Variants in BCL2L1 observed in about 807,000 individuals in gnomAD.
BCL2L1 encodes BCL2 like 1.
BCL2L1 carries 1 observed loss-of-function variant against 18.7 expected under a neutral mutation model. The observed-to-expected ratio is 0.05, with a 90% confidence interval of 0.02 to 0.25. The LOEUF (loss-of-function observed/expected upper bound fraction) is 0.25, where lower values mean the gene tolerates loss of function less well. Ranked by LOEUF, BCL2L1 falls within the 10% of genes least tolerant of loss-of-function variation. The probability of loss-of-function intolerance (pLI) is 1.00; values close to 1 mark genes in which losing one functional copy is unlikely to be tolerated. For synonymous variants in BCL2L1, 103 were observed against 122.7 expected, an observed-to-expected ratio of 0.84 and a Z score of 1.06; for missense variants, 207 against 304.9, an observed-to-expected ratio of 0.68 and a Z score of 2.39.
At chr20:31,672,448 G>A (rs1369431903) in intron 2 of BCL2L1, among the ~76,000 whole-genome samples, 3 of 150,286 alleles carry the variant, frequency 2.0e-5, no homozygotes, top group African/African-American at 4.9e-5. Context: ...TGGGCAACAA[G>A]AGCAAAACCC....
At position 31,721,987 on chromosome 20, in the gene BCL2L1, G is replaced by A. The variant is rs374460634; in HGVS notation, c.232C>T (p.Arg78Trp). The change falls in exon 2 of 3, where the codon CGG becomes TGG. Residue 78 changes from arginine (R) to tryptophan (W), a missense_variant. Physicochemically the swap from Arg to Trp is moderately radical, Grantham distance 101 (BLOSUM62 -3). Coordinates refer to ENST00000307677, the MANE Select transcript of BCL2L1 (RefSeq NM_138578.3). Reference sequence around the variant, plus strand: ...ACTGCTGCCATGGGGATCACCTCCCGGGCATCCAAACTGCTGCTGTGGCCA... The same window carrying A: ...ACTGCTGCCATGGGGATCACCTCCCAGGCATCCAAACTGCTGCTGTGGCCA... Reference protein sequence around the residue: ...ATGHSSSLDAREVIPMAAVKQ... With the variant: ...ATGHSSSLDAWEVIPMAAVKQ... 1 of 1,614,068 alleles carries A rather than the reference G, an allele frequency of 6.2e-7. No homozygotes were observed. Among genetic ancestry groups the A allele is most frequent in the Non-Finnish European group, 8.5e-7 (1 of 1,179,994 alleles).
chr20:31,723,549 G>T (rs2061670384), upstream of BCL2L1: 1 of 984,474 alleles, frequency 1.0e-6, no homozygotes, highest in Non-Finnish European at 1.2e-6. Context: ...CCGAGCCACC[G>T]CCCCGTTGCT....
At chr20:31,708,287 G>A (rs1568891852) in intron 2 of BCL2L1, among the ~76,000 whole-genome samples, 1 of 152,172 alleles carries the variant, frequency 6.6e-6, no homozygotes. Flanking sequence ...CACACACAAG[G>A]GAAGAAGCAG....
chr20:31,717,938 C>T (rs375233100), intron 2 of BCL2L1, among the ~76,000 whole-genome samples: 35 of 152,180 alleles, frequency 2.3e-4, no homozygotes, highest in African/African-American at 8.2e-4. Flanking sequence ...TGTGTCCCTT[C>T]GGGGAAGGTC....
intron 2 of BCL2L1, among the ~76,000 whole-genome samples, chr20:31,687,402 A>G (rs555824751): frequency 5.3e-5 from 8 of 152,226 alleles, no homozygotes; most frequent in African/African-American, 1.9e-4. Context: ...CTGTAATCCC[A>G]GCACTTTGGG....
chr20:31,676,597 C>G (rs2060765463), intron 2 of BCL2L1, among the ~76,000 whole-genome samples: 1 of 152,130 alleles, frequency 6.6e-6, no homozygotes, highest in Admixed American at 6.6e-5. Flanking sequence ...TCCCAGTGTC[C>G]AGGGTGAGAA....
chr20:31,720,573 G>A (rs1179067587), intron 2 of BCL2L1: 5 of 985,282 alleles, frequency 5.1e-6, no homozygotes, highest in Admixed American at 6.1e-5. Flanking sequence ...CTCAGTGATG[G>A]GCAGGAGAAC....
chr20:31,723,925 A>G (rs1458248939), upstream of BCL2L1: 21 of 985,412 alleles, frequency 2.1e-5, no homozygotes, highest in South Asian at 4.7e-5. Flanking sequence ...CTGAAGAGAC[A>G]GGGGAACTTG....
At chr20:31,713,293 A>G (rs983553970) in intron 2 of BCL2L1, 20 of 985,358 alleles carry the variant, frequency 2.0e-5, no homozygotes, top group Non-Finnish European at 2.4e-5. Flanking sequence ...TGAAGGGATG[A>G]TCACAGCTGG....
At chr20:31,717,821 T>C (rs575472095) in intron 2 of BCL2L1, among the ~76,000 whole-genome samples, 29 of 152,312 alleles carry the variant, frequency 1.9e-4, no homozygotes, top group African/African-American at 7.0e-4. Context: ...CTCCCAACAA[T>C]TACGTTTCTA....
chr20:31,682,612 AT>A (rs1342242875), intron 2 of BCL2L1, among the ~76,000 whole-genome samples: 2 of 150,904 alleles, frequency 1.3e-5, no homozygotes, highest in Admixed American at 1.3e-4. Flanking sequence ...TGCCTGGCTA[AT>A]TTTTTTTTCT....
rs924784207 is a variant in BCL2L1 at position 31,665,213 on chromosome 20, G to A, written c.*736C>T. On this transcript the variant is annotated 3_prime_UTR_variant, in exon 3 of 3. Coordinates refer to ENST00000307677, the MANE Select transcript of BCL2L1 (RefSeq NM_138578.3). ...AGTATGGTCATGGGAGCCAGGGAGG[G>A]GAAGGGACTAGGGTGGTGCTGAACT... 5 of 169,650 alleles carry A rather than the reference G, an allele frequency of 2.9e-5. No homozygotes were observed. Among genetic ancestry groups the A allele is most frequent in the African/African-American group, 4.8e-5 (2 of 41,936 alleles). 10.5% of individuals were successfully genotyped at this position (169,650 alleles called of 1,614,324 possible).
chr20:31,704,018 G>A (rs1407304959), intron 2 of BCL2L1, among the ~76,000 whole-genome samples: 3 of 149,640 alleles, frequency 2.0e-5, no homozygotes, highest in East Asian at 3.9e-4. Context: ...GGCTGGTATC[G>A]AACTCCTGAC....
rs775112315 is a variant in BCL2L1 at position 31,686,813 on chromosome 20, G to C, written c.565-20727C>G. Among the ~76,000 whole-genome samples, 11 of 151,920 alleles carry C rather than the reference G, an allele frequency of 7.2e-5. No individual in the cohort carries two copies. The South Asian group carries it at 1.0e-3, about 14-fold the overall frequency. Reference sequence around the variant, plus strand: ...TTCCAGAAAGGGCCTCAAGCAATAAGAAAAAATAAAAAAAGGCAGAGAGAG... The same window carrying C: ...TTCCAGAAAGGGCCTCAAGCAATAACAAAAAATAAAAAAAGGCAGAGAGAG... On this transcript the variant is annotated intron_variant, in intron 2 of 2. Coordinates refer to ENST00000307677, the MANE Select transcript of BCL2L1 (RefSeq NM_138578.3).
chr20:31,707,998 A>G (rs904163086), intron 2 of BCL2L1, among the ~76,000 whole-genome samples: 1 of 152,204 alleles, frequency 6.6e-6, no homozygotes, highest in Non-Finnish European at 1.5e-5. Context: ...CAGGAATACC[A>G]GGAGCAGCTG....
chr20:31,668,058 C>T (rs1287947740), intron 2 of BCL2L1, among the ~76,000 whole-genome samples: 1 of 152,150 alleles, frequency 6.6e-6, no homozygotes, highest in East Asian at 1.9e-4. Flanking sequence ...GCCTCCTCCC[C>T]ACCCCTGTCC....
chr20:31,686,613 C>T (rs2060959572), intron 2 of BCL2L1, among the ~76,000 whole-genome samples: 1 of 152,160 alleles, frequency 6.6e-6, no homozygotes, highest in Non-Finnish European at 1.5e-5. Context: ...CTCAGGCTTT[C>T]TTTTGTTCAC....
intron 2 of BCL2L1, among the ~76,000 whole-genome samples, chr20:31,689,431 A>C (rs2061022989): frequency 6.7e-6 from 1 of 149,042 alleles, no homozygotes; most frequent in Admixed American, 6.7e-5. Context: ...TCTCTACAAA[A>C]AAAAGAAAAA....
intron 2 of BCL2L1, among the ~76,000 whole-genome samples, chr20:31,698,167 C>T (rs1460604930): frequency 6.6e-6 from 1 of 152,098 alleles, no homozygotes; most frequent in Non-Finnish European, 1.5e-5. Flanking sequence ...GGATGACAGG[C>T]GTGAACCATC....
Sources: gnomAD v4.1 joint callset for allele counts (sites outside exome capture counted in the v4.1 genomes callset) on GRCh38, gnomAD v4.1.1 for gene constraint, MANE v1.5 for transcripts, NCBI Gene and HGNC (gene_info 2026-07-23, HGNC 2026-07-21) for gene names.